SMARCA2: variants seen among roughly 807,000 people sequenced by gnomAD.
The protein encoded by SMARCA2 is SWI/SNF related BAF chromatin remodeling complex subunit ATPase 2.
Under a neutral mutation model 199.8 loss-of-function variants are expected in SMARCA2, and 61 were observed. The ratio of observed to expected loss-of-function variants is 0.31; its 90% CI spans 0.25 to 0.38. The LOEUF (loss-of-function observed/expected upper bound fraction) is 0.38, where lower values mean the gene tolerates loss of function less well. Among genes scored for constraint, SMARCA2 ranks in the 10% least tolerant of loss-of-function variants. The pLI, the probability that SMARCA2 is intolerant of heterozygous loss-of-function variation, is 1.00. For missense variants in SMARCA2, 1,344 were observed against 2,012.2 expected, an observed-to-expected ratio of 0.67 and a Z score of 6.35; for synonymous variants, 935 against 732.0, an observed-to-expected ratio of 1.28 and a Z score of -4.48.
chr9:2,093,565 C>T (rs555696946), intron 19 of SMARCA2, among the ~76,000 whole-genome samples: 4 of 152,252 alleles, frequency 2.6e-5, no homozygotes, highest in South Asian at 4.1e-4. Flanking sequence ...TGGGTTTCCC[C>T]GTGCCCAGAT....
At chr9:2,023,220 T>C (rs750714963) in intron 1 of SMARCA2, among the ~76,000 whole-genome samples, 8 of 152,162 alleles carry the variant, frequency 5.3e-5, no homozygotes, top group Non-Finnish European at 1.2e-4. Context: ...CCGAGTTTGT[T>C]GTTATCTTTT....
intron 19 of SMARCA2, among the ~76,000 whole-genome samples, chr9:2,093,149 A>G (rs964085072): frequency 6.6e-6 from 1 of 152,174 alleles, no homozygotes; most frequent in Non-Finnish European, 1.5e-5. Flanking sequence ...GGCTACTCAC[A>G]CTGAATAATA....
intron 4 of SMARCA2, chr9:2,044,009 A>G (rs1436113950): frequency 1.3e-5 from 2 of 152,226 alleles, no homozygotes; most frequent in Non-Finnish European, 2.9e-5. Flanking sequence ...ATACCAGGGA[A>G]AAGTCTTGTC....
In SMARCA2 at chr9:2,119,416, C is replaced by G. The variant is rs1207511822; in HGVS notation, c.3685-42C>G. The G allele has an allele frequency of 1.2e-5, 16 of 1,356,282 alleles. No homozygotes were observed. Among genetic ancestry groups the G allele is most frequent in the South Asian group, 3.5e-5 (3 of 85,674 alleles). 84.0% of individuals were successfully genotyped at this position (1,356,282 alleles called of 1,614,324 possible). Reference sequence around the variant, plus strand: ...ATCACTTACTTGTTTGTACCTTGCCCCAGCTGTCCACTGGTTAAAATCACT... The same window carrying G: ...ATCACTTACTTGTTTGTACCTTGCCGCAGCTGTCCACTGGTTAAAATCACT... On this transcript the variant is annotated intron_variant, in intron 25 of 33. Coordinates refer to ENST00000349721, the MANE Select transcript of SMARCA2 (RefSeq NM_003070.5). The surrounding 1 kb of genome is among the most constrained non-coding windows in gnomAD (Gnocchi z 4.6).
intron 28 of SMARCA2, among the ~76,000 whole-genome samples, chr9:2,168,041 T>C (rs796346735): frequency 2.0e-5 from 3 of 151,476 alleles, no homozygotes; most frequent in African/African-American, 7.3e-5. Flanking sequence ...TTCTTTTTTT[T>C]TTTTTTTTGA....
Position 2,056,970 on chromosome 9 carries a change from G to C in SMARCA2, c.1347+125G>C, listed in dbSNP as rs893652423. The C allele has an allele frequency of 8.8e-6, 7 of 792,662 alleles. No homozygotes were observed. The African/African-American group carries it at 1.2e-4, about 14-fold the overall frequency. The allele number at this position is 792,662 out of a possible 1,614,324, so 49.1% of individuals were successfully genotyped here. On this transcript the variant is annotated intron_variant, in intron 7 of 33. Transcript: ENST00000349721. This position sits in a 1 kb window ranked among gnomAD's most constrained non-coding sequence, Gnocchi z 4.0. ...TGGTGGGGACATCACAGAACAGAAC[G>C]GTTCCTTGACATGTACATAATCCAA...
intron 27 of SMARCA2, among the ~76,000 whole-genome samples, chr9:2,155,561 G>A (rs776618296): frequency 2.0e-4 from 31 of 152,104 alleles, no homozygotes; most frequent in Non-Finnish European, 3.8e-4. Context: ...GATTACAGGC[G>A]TGAGCCACTG....
At chr9:2,190,914 C>G (rs1016026972) in intron 32 of SMARCA2, among the ~76,000 whole-genome samples, 1 of 152,104 alleles carries the variant, frequency 6.6e-6, no homozygotes, top group East Asian at 1.9e-4. Context: ...TGTAAAAGTT[C>G]TATTAAATGA....
chr9:2,059,643 T>G (rs972996623), intron 8 of SMARCA2, among the ~76,000 whole-genome samples: 2 of 152,154 alleles, frequency 1.3e-5, no homozygotes, highest in African/African-American at 4.8e-5. Flanking sequence ...AAACTGAAGT[T>G]TTTTATCACT....
chr9:2,183,277 G>GA (rs886539660), intron 31 of SMARCA2, among the ~76,000 whole-genome samples: 1 of 151,958 alleles, frequency 6.6e-6, no homozygotes, highest in Non-Finnish European at 1.5e-5. Flanking sequence ...CAAACTATAG[G>GA]AAAAAAAGAA....
At chr9:2,085,751 A>C (rs915921471) in intron 17 of SMARCA2, 1 of 152,050 alleles carries the variant, frequency 6.6e-6, no homozygotes, top group Non-Finnish European at 1.5e-5. Flanking sequence ...GAAGGCAAGG[A>C]CTGTATAGAA....
chr9:2,094,571 A>G (rs1354456637), intron 19 of SMARCA2, among the ~76,000 whole-genome samples: 3 of 152,250 alleles, frequency 2.0e-5, no homozygotes, highest in Non-Finnish European at 4.4e-5. Context: ...AGGCAGAGCT[A>G]GGAAGCCTGA....
intron 27 of SMARCA2, among the ~76,000 whole-genome samples, chr9:2,143,103 G>A (rs1469891193): frequency 6.6e-6 from 1 of 152,198 alleles, no homozygotes; most frequent in East Asian, 1.9e-4. Context: ...TGCTAGTACA[G>A]GGGAAGGAGG....
chr9:2,173,192 G>T (rs1287108858), intron 29 of SMARCA2, among the ~76,000 whole-genome samples: 2 of 152,170 alleles, frequency 1.3e-5, no homozygotes, highest in Non-Finnish European at 2.9e-5. Context: ...TTGTATGTAT[G>T]TGTGTGTGCA....
At position 2,095,309 on chromosome 9, in the gene SMARCA2, C is replaced by G. The variant is rs7866637; in HGVS notation, c.2884-1348C>G. Among the ~76,000 whole-genome samples the G allele has an allele frequency of 7.6e-3, 1,158 of 152,158 alleles. 17 individuals carry two copies. Among genetic ancestry groups the G allele is most frequent in the African/African-American group, 0.027 (1,104 of 41,508 alleles). ...TTATGTTGGTCAGGCTGGTCTGGAACTCCTGACCTCGTGATTCGCCCGCCT... is the reference window on the plus strand; with the variant it reads ...TTATGTTGGTCAGGCTGGTCTGGAAGTCCTGACCTCGTGATTCGCCCGCCT... On this transcript the variant is annotated intron_variant, in intron 19 of 33. Coordinates refer to ENST00000349721, the MANE Select transcript of SMARCA2 (RefSeq NM_003070.5).
chr9:2,173,209 C>G (rs1305719061), intron 29 of SMARCA2, among the ~76,000 whole-genome samples: 1 of 152,092 alleles, frequency 6.6e-6, no homozygotes, highest in African/African-American at 2.4e-5. Context: ...TGCACATGTG[C>G]ATGTATGTAG....
chr9:2,065,029 C>CAA (rs571191978), intron 9 of SMARCA2, among the ~76,000 whole-genome samples: 1 of 152,022 alleles, frequency 6.6e-6, no homozygotes, highest in East Asian at 1.9e-4. Context: ...CTAAAAAATA[C>CAA]AAAAAATTAG....
At chr9:2,096,047 CCT>C in intron 19 of SMARCA2, among the ~76,000 whole-genome samples, 1 of 152,274 alleles carries the variant, frequency 6.6e-6, no homozygotes, top group East Asian at 1.9e-4. Context: ...GCCTTGTCCT[CCT>C]TTAGATGACC....
Position 2,081,802 on chromosome 9 carries a change from G to C in SMARCA2, c.2185-30G>C, listed in dbSNP as rs768328808. On this transcript the variant is annotated intron_variant, in intron 14 of 33. Coordinates refer to ENST00000349721, the MANE Select transcript of SMARCA2 (RefSeq NM_003070.5). Reference sequence around the variant, plus strand: ...GGATTAATTACCTGTGCAGATCTTGGATAATTGAAGCAATTACTCTTCATT... The same window carrying C: ...GGATTAATTACCTGTGCAGATCTTGCATAATTGAAGCAATTACTCTTCATT... 3.1e-6 allele frequency: 5 copies of C among 1,607,704 alleles called. No homozygotes were observed. In the South Asian group the frequency reaches 5.5e-5, roughly 18 times the overall value.
Sources: allele counts gnomAD v4.1 joint callset (sites outside exome capture counted in the v4.1 genomes callset), GRCh38; gene constraint gnomAD v4.1.1; non-coding constraint Gnocchi (gnomAD v3.1); transcripts MANE v1.5; gene names NCBI Gene and HGNC (gene_info 2026-07-23, HGNC 2026-07-21).